ANK2: variants seen among roughly 807,000 people sequenced by gnomAD.
ANK2 encodes the protein ankyrin 2.
Under a neutral mutation model 360.5 loss-of-function variants are expected in ANK2, and 83 were observed. The observed-to-expected ratio is 0.23, with a 90% CI of 0.19 to 0.28. The LOEUF (loss-of-function observed/expected upper bound fraction) is 0.28, where lower values mean the gene tolerates loss of function less well. Among genes scored for constraint, ANK2 ranks in the 10% least tolerant of loss-of-function variants. The probability of loss-of-function intolerance (pLI) is 1.00; values close to 1 mark genes in which losing one functional copy is unlikely to be tolerated. For synonymous variants in ANK2, 1,740 were observed against 1,759.5 expected (o/e 0.99, Z 0.28); for missense variants, 4,201 against 4,795.7 (o/e 0.88, Z 3.66).
chr4:112,896,228 G>C (rs1468123410), intron 1 of ANK2, among the ~76,000 whole-genome samples: 1 of 152,182 alleles, frequency 6.6e-6, no homozygotes, highest in Non-Finnish European at 1.5e-5. Context: ...CCAGCCATAG[G>C]AGGAAGGAGC....
At chr4:112,757,225 G>GC in the ANK2 span, among the ~76,000 whole-genome samples, 5 of 149,848 alleles carry the variant, frequency 3.3e-5, no homozygotes, top group East Asian at 1.0e-3. Flanking sequence ...TGAGTCTCCT[G>GC]CCTCTGCCTC....
chr4:113,352,279 ATTG>A (rs947556691), intron 37 of ANK2, among the ~76,000 whole-genome samples: 2 of 152,046 alleles, frequency 1.3e-5, no homozygotes, highest in East Asian at 3.9e-4. Flanking sequence ...TTTAATCACA[ATTG>A]TTGTTTCTGT....
intron 7 of ANK2, among the ~76,000 whole-genome samples, chr4:113,239,015 G>A (rs1241176808): frequency 6.6e-6 from 1 of 152,034 alleles, no homozygotes; most frequent in African/African-American, 2.4e-5. Flanking sequence ...CACACTCAGG[G>A]TATGTCTGTG....
At chr4:112,862,424 C>T (rs539483114) in intron 1 of ANK2, among the ~76,000 whole-genome samples, 1 of 152,180 alleles carries the variant, frequency 6.6e-6, no homozygotes, top group East Asian at 1.9e-4. Flanking sequence ...GAAGGCTGGA[C>T]TTCATTATTT....
At chr4:112,850,445 C>CT (rs548963656) in intron 1 of ANK2, among the ~76,000 whole-genome samples, 12,886 of 73,854 alleles carry the variant, frequency 0.17, 2,095 homozygotes, top group East Asian at 0.38. Flanking sequence ...TTGTTCGTTT[C>CT]TTTTTTTTTT....
intron 2 of ANK2, among the ~76,000 whole-genome samples, chr4:112,929,041 C>T (rs773187220): frequency 1.6e-4 from 25 of 151,962 alleles, no homozygotes; most frequent in African/African-American, 2.9e-4. Flanking sequence ...TTAGTAGAGA[C>T]GGGGTTTCAC....
chr4:113,094,947 C>A (rs2046444), intron 1 of ANK2, among the ~76,000 whole-genome samples: 1 of 152,060 alleles, frequency 6.6e-6, no homozygotes, highest in Non-Finnish European at 1.5e-5. Context: ...TGTAGCATGA[C>A]TGGCCTCCAG....
the ANK2 span, among the ~76,000 whole-genome samples, chr4:112,773,718 A>G: frequency 6.6e-6 from 1 of 152,354 alleles, no homozygotes; most frequent in Non-Finnish European, 1.5e-5. Flanking sequence ...GGTAACAGAT[A>G]CAATATGTAT....
At chr4:113,256,574 G>A (rs2049463562) in intron 11 of ANK2, among the ~76,000 whole-genome samples, 1 of 152,200 alleles carries the variant, frequency 6.6e-6, no homozygotes. Flanking sequence ...TATTGAATAA[G>A]TCTTCCTTGC....
At chr4:113,230,829 G>A (rs1563039053) in intron 4 of ANK2, among the ~76,000 whole-genome samples, 1 of 152,060 alleles carries the variant, frequency 6.6e-6, no homozygotes, top group Non-Finnish European at 1.5e-5. Context: ...TATTACCATA[G>A]TGTGTGCTCC....
At chr4:113,057,903 T>C (rs904298795) in intron 1 of ANK2, among the ~76,000 whole-genome samples, 12 of 152,158 alleles carry the variant, frequency 7.9e-5, no homozygotes, top group African/African-American at 2.4e-4. Flanking sequence ...TTTTATTTTA[T>C]TGGTGATCAT....
intron 1 of ANK2, among the ~76,000 whole-genome samples, chr4:113,101,785 T>A (rs773789286): frequency 5.3e-5 from 8 of 152,128 alleles, no homozygotes; most frequent in Non-Finnish European, 8.8e-5. Flanking sequence ...CTGGTTTGGC[T>A]TGAGTTGGGA....
the ANK2 span, among the ~76,000 whole-genome samples, chr4:112,799,165 T>A: frequency 1.3e-5 from 2 of 152,240 alleles, no homozygotes; most frequent in African/African-American, 4.8e-5. Flanking sequence ...TTTGTAAAGC[T>A]AAATAACGTT....
chr4:113,210,541 G>A (rs891251315), intron 4 of ANK2, among the ~76,000 whole-genome samples: 1 of 152,186 alleles, frequency 6.6e-6, no homozygotes, highest in Non-Finnish European at 1.5e-5. Context: ...CAAGAATCCA[G>A]AGTCAGATAA....
chr4:112,741,030 A>G, the ANK2 span, among the ~76,000 whole-genome samples: 2 of 151,450 alleles, frequency 1.3e-5, no homozygotes, highest in African/African-American at 2.4e-5. Flanking sequence ...AGATCTCACT[A>G]TGTTGGCCAG....
chr4:113,266,374 C>G (rs13125691), intron 14 of ANK2, among the ~76,000 whole-genome samples: 70,954 of 151,978 alleles, frequency 0.47, 17,080 homozygotes, highest in Non-Finnish European at 0.54. Context: ...ATTTGGGTTG[C>G]TTCCAAGTCT....
chr4:112,930,320 C>G (rs911358864), intron 2 of ANK2, among the ~76,000 whole-genome samples: 1 of 151,784 alleles, frequency 6.6e-6, no homozygotes, highest in Non-Finnish European at 1.5e-5. Flanking sequence ...TGTGCACACA[C>G]ACCTGTAGTC....
chr4:113,040,640 C>G (rs1314509359), intron 2 of ANK2, among the ~76,000 whole-genome samples: 1 of 152,058 alleles, frequency 6.6e-6, no homozygotes, highest in Non-Finnish European at 1.5e-5. Context: ...GGACTCATTT[C>G]TCTCTGGTCT....
At chr4:113,046,065 A>G (rs1045344320), upstream of ANK2, among the ~76,000 whole-genome samples, 1 of 152,196 alleles carries the variant, frequency 6.6e-6, no homozygotes, top group African/African-American at 2.4e-5. Context: ...AATGTACATT[A>G]GGATAGGAAG....
Sources: gnomAD v4.1 joint callset for allele counts (sites outside exome capture counted in the v4.1 genomes callset) on GRCh38, gnomAD v4.1.1 for gene constraint, MANE v1.5 for transcripts, NCBI Gene and HGNC (gene_info 2026-07-23, HGNC 2026-07-21) for gene names.